The following SPATA6 variants were observed in gnomAD, a reference collection of about 807,000 sequenced individuals.
SPATA6 encodes spermatogenesis associated 6.
In SPATA6, 56 loss-of-function variants were observed where a neutral mutation model predicts 65.3. That is an observed-to-expected ratio of 0.86 (90% confidence interval 0.69 to 1.07). SPATA6 has a LOEUF of 1.07. Among genes scored for constraint, SPATA6 ranks in the 50% least tolerant of loss-of-function variants. SPATA6 has a pLI of 0.00. For synonymous variants in SPATA6, 199 were observed against 213.2 expected (o/e 0.93, Z 0.58); for missense variants, 590 against 594.8 (o/e 0.99, Z 0.08).
intron 7 of SPATA6, among the ~76,000 whole-genome samples, chr1:48,396,264 C>G (rs1333423563): frequency 6.6e-6 from 1 of 151,650 alleles, no homozygotes; most frequent in East Asian, 1.9e-4. Context: ...ACTTTGAACA[C>G]TTGGAATTTA....
At chr1:48,471,807 G>C in intron 1 of SPATA6, 151 bp downstream of exon 1, 2 of 880,276 alleles carry the variant, frequency 2.3e-6, no homozygotes, top group Non-Finnish European at 3.6e-6. Context: ...CTGAGAACAA[G>C]ATGGGGCAGG....
downstream of SPATA6, among the ~76,000 whole-genome samples, chr1:48,290,604 C>T (rs1644760725): frequency 6.6e-6 from 1 of 152,016 alleles, no homozygotes; most frequent in Non-Finnish European, 1.5e-5. Flanking sequence ...GGAGACCCAT[C>T]TCATGTGCAG....
chr1:48,278,390 C>A, the SPATA6 span, among the ~76,000 whole-genome samples: 9 of 152,072 alleles, frequency 5.9e-5, no homozygotes, highest in Non-Finnish European at 1.2e-4. Context: ...CTCCGAGCTA[C>A]AGGAGGAAAT....
At chr1:48,454,881 A>G (rs369240786) in intron 1 of SPATA6, among the ~76,000 whole-genome samples, 1 of 152,212 alleles carries the variant, frequency 6.6e-6, no homozygotes, top group East Asian at 1.9e-4. Context: ...TAATACTATC[A>G]CAATTATTAG....
chr1:48,382,444 G>A (rs1461942129), intron 9 of SPATA6, among the ~76,000 whole-genome samples: 11 of 140,066 alleles, frequency 7.9e-5, no homozygotes, highest in African/African-American at 2.5e-4. Flanking sequence ...TGGATAGGGC[G>A]GCTGGCTGGG....
At chr1:48,403,339 A>G (rs1355458131) in intron 6 of SPATA6, among the ~76,000 whole-genome samples, 1 of 152,164 alleles carries the variant, frequency 6.6e-6, no homozygotes, top group African/African-American at 2.4e-5. Context: ...ACAGTCCCTC[A>G]AGAAATCAGA....
At position 48,405,045 on chromosome 1, in the gene SPATA6, C is replaced by A. The variant is rs894574166; in HGVS notation, c.406-1163G>T. 2.0e-5 allele frequency among the ~76,000 whole-genome samples: 3 copies of A among 152,334 alleles called. No homozygotes were observed. The South Asian group carries it at 6.2e-4, about 32-fold the overall frequency. ...ATTCAATACCTACATTTGGCCTCAA[C>A]AAATCAAGTCTGTGACCAGCTAAGT... On this transcript the variant is annotated intron_variant, in intron 5 of 12. Coordinates refer to ENST00000371847, the MANE Select transcript of SPATA6 (RefSeq NM_019073.4).
chr1:48,282,914 C>A, the SPATA6 span, among the ~76,000 whole-genome samples: 6 of 152,000 alleles, frequency 3.9e-5, no homozygotes, highest in Non-Finnish European at 8.8e-5. Context: ...TTCACAATAG[C>A]AAAGACTTTG....
chr1:48,305,075 G>A (rs1645028327), intron 12 of SPATA6, among the ~76,000 whole-genome samples: 2 of 152,118 alleles, frequency 1.3e-5, no homozygotes, highest in Non-Finnish European at 2.9e-5. Context: ...CTGTGTAAGG[G>A]GCATAAGGAA....
chr1:48,389,934 CAAT>C (rs927117712), intron 8 of SPATA6, among the ~76,000 whole-genome samples: 128 of 152,070 alleles, frequency 8.4e-4, no homozygotes, highest in African/African-American at 2.8e-3. Flanking sequence ...CAATGACAAA[CAAT>C]AAGAGAAAAA....
the SPATA6 span, among the ~76,000 whole-genome samples, chr1:48,288,602 G>C: frequency 6.6e-6 from 1 of 152,198 alleles, no homozygotes; most frequent in African/African-American, 2.4e-5. Flanking sequence ...CTAGCCAAGG[G>C]AAGCCATGAC....
chr1:48,277,720 C>T, the SPATA6 span, among the ~76,000 whole-genome samples: 5 of 152,244 alleles, frequency 3.3e-5, no homozygotes, highest in Non-Finnish European at 7.3e-5. Context: ...AGGAGGCCTG[C>T]CTGCCTCTGT....
intron 11 of SPATA6, among the ~76,000 whole-genome samples, chr1:48,327,739 T>C (rs1645804784): frequency 6.6e-6 from 1 of 152,194 alleles, no homozygotes; most frequent in Non-Finnish European, 1.5e-5. Flanking sequence ...CTGCATGTTC[T>C]CGTTTATAAG....
In SPATA6 at chr1:48,422,020, T is replaced by C. The variant is rs1046522989; in HGVS notation, c.239-8869A>G. Among the ~76,000 whole-genome samples the C allele has an allele frequency of 3.9e-5, 6 of 152,222 alleles. No homozygotes were observed. In the East Asian group the frequency reaches 1.2e-3, roughly 29 times the overall value. On this transcript the variant is annotated intron_variant, in intron 3 of 12. Transcript: ENST00000371847. ...TATCAAATGGAAAGAATATACATCA[T>C]AGAAAGCTGTAATGCTTAACTATGC...
At chr1:48,318,622 T>G (rs1645509144) in intron 11 of SPATA6, among the ~76,000 whole-genome samples, 2 of 152,076 alleles carry the variant, frequency 1.3e-5, no homozygotes, top group South Asian at 4.1e-4. Flanking sequence ...TAAGATGACA[T>G]AAATAAATTT....
chr1:48,426,881 G>T (rs1275468886), intron 3 of SPATA6, among the ~76,000 whole-genome samples: 2 of 149,836 alleles, frequency 1.3e-5, no homozygotes, highest in African/African-American at 4.9e-5. Context: ...GATGTAAGAT[G>T]ATATAAATCA....
At chr1:48,438,306 G>A (rs571641245) in intron 3 of SPATA6, among the ~76,000 whole-genome samples, 11 of 152,166 alleles carry the variant, frequency 7.2e-5, no homozygotes, top group South Asian at 2.1e-4. Flanking sequence ...GAGTACCATC[G>A]GACCCCTTTT....
chr1:48,443,002 C>T (rs151194669), intron 3 of SPATA6, among the ~76,000 whole-genome samples: 1 of 152,264 alleles, frequency 6.6e-6, no homozygotes, highest in East Asian at 1.9e-4. Flanking sequence ...GAAGGAACTC[C>T]CTTCAGGACA....
At chr1:48,444,702 T>C (rs552930673) in intron 3 of SPATA6, among the ~76,000 whole-genome samples, 1 of 152,328 alleles carries the variant, frequency 6.6e-6, no homozygotes, top group African/African-American at 2.4e-5. Context: ...TGTGGAAGCT[T>C]TGTTCTTTCA....
Sources: gnomAD v4.1 joint callset for allele counts (sites outside exome capture counted in the v4.1 genomes callset) on GRCh38, gnomAD v4.1.1 for gene constraint, MANE v1.5 for transcripts, NCBI Gene and HGNC (gene_info 2026-07-23, HGNC 2026-07-21) for gene names.